FBXW10B: variants seen among roughly 807,000 people sequenced by gnomAD.
The protein encoded by FBXW10B is F-box and WD repeat domain containing 10B, also known as F-box and WD repeat domain containing protein 10B.
At chr17:15,619,423 C>A in the FBXW10B span, 13 of 1,613,966 alleles carry the variant, frequency 8.1e-6, no homozygotes, top group Non-Finnish European at 1.1e-5. Flanking sequence ...AGACACGCGT[C>A]TCACACTTCC....
At chr17:15,613,167 A>G in the FBXW10B span, among the ~76,000 whole-genome samples, 1 of 151,972 alleles carries the variant, frequency 6.6e-6, no homozygotes, top group Non-Finnish European at 1.5e-5. Flanking sequence ...TTCTGGCAAG[A>G]AACTGAGAAG....
the FBXW10B span, among the ~76,000 whole-genome samples, chr17:15,592,398 A>C: frequency 6.6e-6 from 1 of 151,756 alleles, no homozygotes; most frequent in African/African-American, 2.4e-5. Context: ...TAATACTAAT[A>C]AAGTTTCACT....
the FBXW10B span, among the ~76,000 whole-genome samples, chr17:15,581,999 G>A: frequency 1.3e-5 from 2 of 150,748 alleles, no homozygotes; most frequent in Admixed American, 6.6e-5. Flanking sequence ...ATGATAAAAA[G>A]GAGAAAAAGG....
chr17:15,617,193 CCT>C, the FBXW10B span, among the ~76,000 whole-genome samples: 1 of 152,154 alleles, frequency 6.6e-6, no homozygotes, highest in Non-Finnish European at 1.5e-5. Context: ...CTTCCATACC[CCT>C]GACACACCAA....
chr17:15,618,931 C>A, the FBXW10B span: 1 of 1,565,858 alleles, frequency 6.4e-7, no homozygotes, highest in African/African-American at 1.4e-5. Flanking sequence ...TCTACAACTG[C>A]AGTTCCTTAC....
chr17:15,603,389 T>C, the FBXW10B span, among the ~76,000 whole-genome samples: 1 of 152,070 alleles, frequency 6.6e-6, no homozygotes, highest in African/African-American at 2.4e-5. Flanking sequence ...TGCTTTATAG[T>C]AAATCTCCTA....
At chr17:15,603,126 C>T in the FBXW10B span, among the ~76,000 whole-genome samples, 47 of 150,660 alleles carry the variant, frequency 3.1e-4, no homozygotes, top group Non-Finnish European at 4.7e-4. Context: ...TCAGATGATC[C>T]GCCTGCCTCA....
the FBXW10B span, among the ~76,000 whole-genome samples, chr17:15,597,322 G>A: frequency 5.4e-5 from 8 of 149,146 alleles, no homozygotes; most frequent in East Asian, 2.0e-4. Flanking sequence ...GGCAGAACAG[G>A]GTTTTCTAAA....
the FBXW10B span, among the ~76,000 whole-genome samples, chr17:15,618,104 C>T: frequency 2.3e-3 from 352 of 152,170 alleles, 2 homozygotes; most frequent in Middle Eastern, 6.8e-3. Context: ...CCGAGGCAGG[C>T]GGATCACGAG....
At chr17:15,603,167 A>C in the FBXW10B span, among the ~76,000 whole-genome samples, 1 of 151,582 alleles carries the variant, frequency 6.6e-6, no homozygotes, top group Non-Finnish European at 1.5e-5. Flanking sequence ...TACAGGCGTG[A>C]GCCACCGCGC....
chr17:15,578,822 A>G, the FBXW10B span, among the ~76,000 whole-genome samples: 1 of 151,674 alleles, frequency 6.6e-6, no homozygotes, highest in African/African-American at 2.4e-5. Context: ...GTCACCACGT[A>G]CTCCCCTCTG....
the FBXW10B span, chr17:15,594,634 G>T: frequency 9.2e-7 from 1 of 1,086,868 alleles, no homozygotes; most frequent in Non-Finnish European, 1.3e-6. Context: ...AGGGTGAGGT[G>T]CAGAGAACAC....
the FBXW10B span, among the ~76,000 whole-genome samples, chr17:15,604,372 A>G: frequency 1.3e-5 from 2 of 152,184 alleles, no homozygotes; most frequent in African/African-American, 4.8e-5. Flanking sequence ...AATGCAAGGG[A>G]ATCATTAGTA....
the FBXW10B span, among the ~76,000 whole-genome samples, chr17:15,595,781 A>G: frequency 6.6e-6 from 1 of 152,084 alleles, no homozygotes; most frequent in Non-Finnish European, 1.5e-5. Context: ...TGACCATCCA[A>G]TCACTTTCAA....
chr17:15,613,213 T>C, the FBXW10B span, among the ~76,000 whole-genome samples: 1 of 151,462 alleles, frequency 6.6e-6, no homozygotes, highest in African/African-American at 2.4e-5. Flanking sequence ...TGGGGAAAAT[T>C]TCATTTTAAC....
chr17:15,592,881 G>A, the FBXW10B span, among the ~76,000 whole-genome samples: 8 of 152,146 alleles, frequency 5.3e-5, no homozygotes, highest in Admixed American at 1.3e-4. Context: ...GTGACGGGTG[G>A]ATCACGAGGT....
chr17:15,591,925 C>T, the FBXW10B span, among the ~76,000 whole-genome samples: 2 of 152,128 alleles, frequency 1.3e-5, no homozygotes, highest in Non-Finnish European at 2.9e-5. Flanking sequence ...CTCTGATCCC[C>T]ACTTTAATGC....
the FBXW10B span, chr17:15,573,916 C>G: frequency 2.2e-6 from 1 of 453,710 alleles, no homozygotes; most frequent in Non-Finnish European, 3.9e-6. Context: ...AGAACAAAAT[C>G]AATGCAATGA....
At chr17:15,614,704 A>G in the FBXW10B span, among the ~76,000 whole-genome samples, 32 of 152,342 alleles carry the variant, frequency 2.1e-4, no homozygotes, top group African/African-American at 6.0e-4. Context: ...AGCCAGTGCT[A>G]TGTGGGTGGG....
Sources: allele counts gnomAD v4.1 joint callset (sites outside exome capture counted in the v4.1 genomes callset), GRCh38; gene constraint gnomAD v4.1.1; transcripts MANE v1.5; gene names NCBI Gene and HGNC (gene_info 2026-07-23, HGNC 2026-07-21).